The following RAD51B variants were observed in gnomAD, a reference collection of about 807,000 sequenced individuals.
The protein encoded by RAD51B is DNA repair protein RAD51 homolog 2.
RAD51B carries 38 observed loss-of-function variants against 42.2 expected under a neutral mutation model. That is an observed-to-expected ratio of 0.90 (90% CI 0.70 to 1.18). RAD51B has a LOEUF of 1.18. Ranked by LOEUF, RAD51B falls within the 50% of genes most tolerant of loss-of-function variation. The pLI, the probability that RAD51B is intolerant of heterozygous loss-of-function variation, is 0.00. For missense variants in RAD51B, 373 were observed against 400.7 expected (o/e 0.93, Z 0.59); for synonymous variants, 154 against 145.2 (o/e 1.06, Z -0.43).
chr14:68,046,008 G>A (rs8006492), intron 7 of RAD51B, among the ~76,000 whole-genome samples: 2 of 151,984 alleles, frequency 1.3e-5, no homozygotes, highest in Non-Finnish European at 2.9e-5. Context: ...CTGCTGCCAC[G>A]GCCCTGGCTC....
intron 10 of RAD51B, among the ~76,000 whole-genome samples, chr14:68,559,267 T>A (rs2140013753): frequency 6.6e-6 from 1 of 152,242 alleles, no homozygotes; most frequent in Non-Finnish European, 1.5e-5. Flanking sequence ...ACCTGTAATT[T>A]GTACTCATGT....
At chr14:67,823,520 C>G (rs1483496186) in intron 1 of RAD51B, 22 bp from the exon 2 acceptor site, 2 of 1,603,882 alleles carry the variant, frequency 1.2e-6, no homozygotes, top group Non-Finnish European at 8.5e-7. Flanking sequence ...CATGGTTCTT[C>G]TTTTCTTTGC....
intron 7 of RAD51B, among the ~76,000 whole-genome samples, chr14:68,273,834 G>A (rs996682137): frequency 6.6e-6 from 1 of 152,146 alleles, no homozygotes; most frequent in Non-Finnish European, 1.5e-5. Flanking sequence ...TTACAGGTGT[G>A]AGCCTCCATG....
At chr14:68,368,788 C>T (rs977118349) in intron 8 of RAD51B, among the ~76,000 whole-genome samples, 5 of 152,178 alleles carry the variant, frequency 3.3e-5, no homozygotes, top group African/African-American at 1.2e-4. Context: ...CACTCTGCTG[C>T]TGCATGTAGA....
chr14:68,283,053 T>G (rs2081349961), intron 7 of RAD51B, among the ~76,000 whole-genome samples: 1 of 152,224 alleles, frequency 6.6e-6, no homozygotes, highest in African/African-American at 2.4e-5. Context: ...ACAGAACTGT[T>G]TTCTTGGCCT....
chr14:67,971,173 T>A (rs2074891437), intron 7 of RAD51B, among the ~76,000 whole-genome samples: 1 of 152,126 alleles, frequency 6.6e-6, no homozygotes, highest in Admixed American at 6.5e-5. Context: ...CAGGCTCAGC[T>A]GAAGCAAAGC....
chr14:68,658,348 G>C (rs1005987656), intron 11 of RAD51B, among the ~76,000 whole-genome samples: 1 of 152,238 alleles, frequency 6.6e-6, no homozygotes, highest in Non-Finnish European at 1.5e-5. Flanking sequence ...AGCACTGACA[G>C]ACCTGTCCTC....
chr14:68,339,482 A>C (rs1272725217), intron 8 of RAD51B: 2 of 464,862 alleles, frequency 4.3e-6, no homozygotes, highest in East Asian at 3.5e-5. Context: ...TTATGACAGC[A>C]GGAGCTGGAG....
intron 9 of RAD51B, among the ~76,000 whole-genome samples, chr14:68,459,869 G>A (rs1345170799): frequency 6.8e-6 from 1 of 147,790 alleles, no homozygotes; most frequent in Non-Finnish European, 1.5e-5. Flanking sequence ...TCCTCTGCCA[G>A]GTCATTTCAC....
chr14:68,557,079 G>C (rs957009241), intron 10 of RAD51B, among the ~76,000 whole-genome samples: 1 of 152,046 alleles, frequency 6.6e-6, no homozygotes, highest in Admixed American at 6.5e-5. Flanking sequence ...AAGCATCTTC[G>C]GCTCCTTTCT....
At chr14:68,105,577 T>A (rs2140565491) in intron 7 of RAD51B, among the ~76,000 whole-genome samples, 1 of 152,022 alleles carries the variant, frequency 6.6e-6, no homozygotes, top group South Asian at 2.1e-4. Flanking sequence ...TGTTTAAAGA[T>A]TTTAAAAATA....
chr14:68,307,021 TC>T (rs368245332), intron 8 of RAD51B, among the ~76,000 whole-genome samples: 14,807 of 51,098 alleles, frequency 0.29, 786 homozygotes, highest in Non-Finnish European at 0.35. Context: ...TTTTTTTTTT[TC>T]CCTATCTGGA....
chr14:67,861,731 A>G (rs1449376793), intron 4 of RAD51B, among the ~76,000 whole-genome samples: 2 of 152,196 alleles, frequency 1.3e-5, no homozygotes, highest in African/African-American at 2.4e-5. Context: ...CAACACTGTT[A>G]CTTCATTTCT....
At chr14:67,994,190 G>T (rs953358880) in intron 7 of RAD51B, among the ~76,000 whole-genome samples, 1 of 151,190 alleles carries the variant, frequency 6.6e-6, no homozygotes, top group Non-Finnish European at 1.5e-5. Context: ...ATAAGATATT[G>T]TTAAGGGGCC....
intron 10 of RAD51B, among the ~76,000 whole-genome samples, chr14:68,525,782 T>C (rs930005361): frequency 6.6e-6 from 1 of 152,160 alleles, no homozygotes; most frequent in Admixed American, 6.5e-5. Flanking sequence ...CCCTTCCAGA[T>C]AGCCAGCCAC....
intron 7 of RAD51B, among the ~76,000 whole-genome samples, chr14:67,941,580 A>G (rs1279400336): frequency 6.6e-6 from 1 of 152,164 alleles, no homozygotes; most frequent in Non-Finnish European, 1.5e-5. Context: ...AACTTGCCTA[A>G]TTACAGCCAG....
intron 8 of RAD51B, among the ~76,000 whole-genome samples, chr14:68,321,321 A>G (rs1213285188): frequency 6.6e-6 from 1 of 152,162 alleles, no homozygotes; most frequent in African/African-American, 2.4e-5. Flanking sequence ...CCCTCCTCAC[A>G]TTCCCCTGTC....
intron 7 of RAD51B, among the ~76,000 whole-genome samples, chr14:68,086,716 C>G (rs1300863722): frequency 6.6e-6 from 1 of 152,162 alleles, no homozygotes; most frequent in Non-Finnish European, 1.5e-5. Context: ...GGATACCCTC[C>G]AAAGTCAAGG....
chr14:68,300,730 A>T (rs1161481884), intron 8 of RAD51B, among the ~76,000 whole-genome samples: 2 of 152,092 alleles, frequency 1.3e-5, no homozygotes, highest in Admixed American at 1.3e-4. Context: ...TCCACTCGCT[A>T]CTCTAAACTA....
Sources: allele counts gnomAD v4.1 joint callset (sites outside exome capture counted in the v4.1 genomes callset), GRCh38; gene constraint gnomAD v4.1.1; transcripts MANE v1.5; gene names NCBI Gene and HGNC (gene_info 2026-07-23, HGNC 2026-07-21).